Variants in ETV6 observed in about 807,000 individuals in gnomAD.
The protein encoded by ETV6 is ETS variant transcription factor 6.
ETV6 carries 16 observed loss-of-function variants against 51.1 expected under a neutral mutation model. The observed-to-expected ratio is 0.31, with a 90% CI of 0.21 to 0.48. The LOEUF (loss-of-function observed/expected upper bound fraction) is 0.48, where lower values mean the gene tolerates loss of function less well. Among genes scored for constraint, ETV6 ranks in the 20% least tolerant of loss-of-function variants. The probability of loss-of-function intolerance (pLI) is 0.99; values close to 1 mark genes in which losing one functional copy is unlikely to be tolerated. For missense variants in ETV6, 458 were observed against 594.8 expected, an observed-to-expected ratio of 0.77 and a Z score of 2.39; for synonymous variants, 240 against 224.1, an observed-to-expected ratio of 1.07 and a Z score of -0.64.
At chr12:11,817,883 G>A (rs1249799037) in intron 2 of ETV6, among the ~76,000 whole-genome samples, 1 of 152,144 alleles carries the variant, frequency 6.6e-6, no homozygotes, top group East Asian at 1.9e-4. Context: ...AAAGTTCTCT[G>A]GAAGCAAAAA....
chr12:11,871,663 A>G (rs953199850), intron 5 of ETV6, among the ~76,000 whole-genome samples: 9 of 152,254 alleles, frequency 5.9e-5, no homozygotes. Context: ...ACTATGAAAA[A>G]GGAAATGATA....
chr12:11,883,165 A>G (rs905011533), intron 5 of ETV6, among the ~76,000 whole-genome samples: 6 of 151,838 alleles, frequency 4.0e-5, no homozygotes, highest in Non-Finnish European at 7.4e-5. Flanking sequence ...TAGAAGGCAC[A>G]CATCTGTCCC....
At chr12:11,726,051 A>G (rs952488168) in intron 1 of ETV6, among the ~76,000 whole-genome samples, 5 of 152,230 alleles carry the variant, frequency 3.3e-5, no homozygotes, top group African/African-American at 7.2e-5. Context: ...GTAGGCAAGA[A>G]TTGTATATTA....
intron 5 of ETV6, among the ~76,000 whole-genome samples, chr12:11,877,302 C>CTTT (rs377757573): frequency 5.6e-5 from 8 of 141,706 alleles, no homozygotes; most frequent in Non-Finnish European, 7.7e-5. Context: ...AGCCTATAGA[C>CTTT]TTTTTTTTTT....
rs531219735 is a variant in ETV6 at position 11,887,703 on chromosome 12, G to A, written c.1253+1677G>A. Among the ~76,000 whole-genome samples the A allele has an allele frequency of 3.9e-4, 59 of 149,558 alleles. No homozygotes were observed. The Middle Eastern group carries it at 0.014, about 35-fold the overall frequency. On this transcript the variant is annotated intron_variant, in intron 7 of 7. Transcript: ENST00000396373. ...GCAGAGGTTGCAGTGAGCTGAGATCGCGCCACTGCACTCCAGCCTGGTGAC... is the reference window on the plus strand; with the variant it reads ...GCAGAGGTTGCAGTGAGCTGAGATCACGCCACTGCACTCCAGCCTGGTGAC...
At chr12:11,680,100 A>G (rs113114878) in intron 1 of ETV6, among the ~76,000 whole-genome samples, 1 of 152,320 alleles carries the variant, frequency 6.6e-6, no homozygotes, top group African/African-American at 2.4e-5. Context: ...TGACCTCCGA[A>G]TACTGAAAGG....
intron 2 of ETV6, among the ~76,000 whole-genome samples, chr12:11,828,894 T>C (rs1441365069): frequency 2.0e-5 from 3 of 152,238 alleles, no homozygotes; most frequent in African/African-American, 7.2e-5. Context: ...GTTACATGAC[T>C]TAATCTTGAT....
At chr12:11,760,482 G>T (rs1478926127) in intron 2 of ETV6, among the ~76,000 whole-genome samples, 2 of 152,166 alleles carry the variant, frequency 1.3e-5, no homozygotes, top group Non-Finnish European at 2.9e-5. Flanking sequence ...TACTTCTGGG[G>T]TGGGGGTACT....
At chr12:11,757,344 G>C (rs1360513136) in intron 2 of ETV6, among the ~76,000 whole-genome samples, 1 of 152,106 alleles carries the variant, frequency 6.6e-6, no homozygotes, top group Non-Finnish European at 1.5e-5. Flanking sequence ...ATTAGAACCA[G>C]CATAGTGAGA....
intron 2 of ETV6, among the ~76,000 whole-genome samples, chr12:11,756,842 G>A (rs1182696149): frequency 6.6e-6 from 1 of 152,178 alleles, no homozygotes; most frequent in Non-Finnish European, 1.5e-5. Flanking sequence ...CCCCGCCTTA[G>A]GATAACAATA....
At chr12:11,674,111 G>T (rs999316762) in intron 1 of ETV6, among the ~76,000 whole-genome samples, 9 of 152,150 alleles carry the variant, frequency 5.9e-5, no homozygotes, top group African/African-American at 2.2e-4. Flanking sequence ...AGACCACCCC[G>T]CAGATACAAT....
At chr12:11,863,802 G>A (rs1205782277) in intron 4 of ETV6, among the ~76,000 whole-genome samples, 2 of 152,210 alleles carry the variant, frequency 1.3e-5, no homozygotes, top group East Asian at 1.9e-4. Flanking sequence ...GAGGCGGCAG[G>A]CAGCAGGCTG....
intron 1 of ETV6, among the ~76,000 whole-genome samples, chr12:11,651,589 G>A (rs1863907472): frequency 6.6e-6 from 1 of 152,156 alleles, no homozygotes; most frequent in Admixed American, 6.5e-5. Context: ...GGCATGGGGC[G>A]TGCCACACTA....
At chr12:11,807,836 T>A (rs1945851734) in intron 2 of ETV6, among the ~76,000 whole-genome samples, 2 of 152,212 alleles carry the variant, frequency 1.3e-5, no homozygotes, top group South Asian at 2.1e-4. Flanking sequence ...ATGTAGGTGG[T>A]ATCAAATCAC....
rs1387745539 is a variant in ETV6, at chr12:11,773,159, A to C, written c.163+20580A>C. On this transcript the variant is annotated intron_variant, in intron 2 of 7. Transcript: ENST00000396373. Reference sequence around the variant, plus strand: ...CCGTGAGCCGAGATTGCACCACTACATTCCAGCTTAGTGACAGAGTGAGAC... The same window carrying C: ...CCGTGAGCCGAGATTGCACCACTACCTTCCAGCTTAGTGACAGAGTGAGAC... Among the ~76,000 whole-genome samples the C allele has an allele frequency of 4.0e-5, 6 of 150,046 alleles. 1 individual carries two copies. The South Asian group carries it at 1.1e-3, about 26-fold the overall frequency.
chr12:11,657,452 T>G (rs1415413621), intron 1 of ETV6, among the ~76,000 whole-genome samples: 1 of 152,234 alleles, frequency 6.6e-6, no homozygotes, highest in Non-Finnish European at 1.5e-5. Flanking sequence ...TGTTATGAGA[T>G]TTAAGAAGTG....
rs141364822 is a variant in ETV6 at position 11,664,614 on chromosome 12, C to T, written c.33+14454C>T. Among the ~76,000 whole-genome samples, 428 of 152,244 alleles carry T rather than the reference C, an allele frequency of 2.8e-3. 2 individuals carry two copies. The highest frequency in any genetic ancestry group is 9.8e-3 in the African/African-American group (405 of 41,532). On this transcript the variant is annotated intron_variant, in intron 1 of 7. Coordinates refer to ENST00000396373, the MANE Select transcript of ETV6 (RefSeq NM_001987.5). ...AAAAGCCATCCAGGACTAAGGTTAG[C>T]GAACGGTGACCCTTGTTTGGTCCAC... is the stretch of plus-strand genomic sequence containing the variant.
At chr12:11,672,218 T>G (rs2541121) in intron 1 of ETV6, among the ~76,000 whole-genome samples, 149,887 of 152,108 alleles carry the variant, frequency 0.99, 73,884 homozygotes, top group East Asian at 1. Context: ...CTGAGTATTG[T>G]AAGGAACCAA....
At chr12:11,762,911 T>G (rs1260150812) in intron 2 of ETV6, among the ~76,000 whole-genome samples, 1 of 152,182 alleles carries the variant, frequency 6.6e-6, no homozygotes. Flanking sequence ...AGGAACTCTT[T>G]GTAGAGAAAC....
Sources: allele counts gnomAD v4.1 joint callset (sites outside exome capture counted in the v4.1 genomes callset), GRCh38; gene constraint gnomAD v4.1.1; transcripts MANE v1.5; gene names NCBI Gene and HGNC (gene_info 2026-07-23, HGNC 2026-07-21).